The following ZDHHC9 variants were observed in gnomAD, a reference collection of about 807,000 sequenced individuals.
ZDHHC9 encodes the protein palmitoyltransferase ZDHHC9.
Under a neutral mutation model 26.6 loss-of-function variants are expected in ZDHHC9, and 3 were observed. That is an observed-to-expected ratio of 0.11 (90% CI 0.05 to 0.29). The LOEUF is 0.29. ZDHHC9 is among the 10% of genes least tolerant of loss of function. ZDHHC9 has a pLI of 1.00. For synonymous variants in ZDHHC9, 111 were observed against 109.4 expected (o/e 1.01, Z -0.09); for missense variants, 146 against 296.4 (o/e 0.49, Z 3.73).
At position 129,819,172 on chromosome X, in the gene ZDHHC9, C is replaced by CAAAAAA. The variant is rs10555509; in HGVS notation, c.488-4383_488-4378dup. Among the ~76,000 whole-genome samples the CAAAAAA allele has an allele frequency of 2.1e-3, 74 of 36,078 alleles. 3 individuals carry two copies. The highest frequency in any genetic ancestry group is 7.3e-3 in the African/African-American group (64 of 8,792). The allele number at this position is 36,078 out of a possible 115,157, so 31.3% of individuals were successfully genotyped here. On this transcript the variant is annotated intron_variant, in intron 5 of 10. Transcript: ENST00000357166. Reference sequence around the variant, plus strand: ...TGGGAGAGAGAGACAGCCTCCGTCTCAAAAAAAAAAAAAAAAAAAAAAAAA... The same window carrying CAAAAAA: ...TGGGAGAGAGAGACAGCCTCCGTCTCAAAAAAAAAAAAAAAAAAAAAAAAAAAAAAA...
At chrX:129,826,715 C>T (rs762307554) in intron 4 of ZDHHC9, among the ~76,000 whole-genome samples, 1 of 111,894 alleles carries the variant, frequency 8.9e-6, no homozygotes, top group Non-Finnish European at 1.9e-5. Context: ...CCCCAGAACT[C>T]CAGCTGTGCC....
intron 3 of ZDHHC9, among the ~76,000 whole-genome samples, chrX:129,839,783 T>A (rs1928339785): frequency 9.0e-6 from 1 of 110,676 alleles, no homozygotes; most frequent in Non-Finnish European, 1.9e-5. Context: ...ACCAGGGTCC[T>A]CTCCTCTGTG....
intron 3 of ZDHHC9, among the ~76,000 whole-genome samples, chrX:129,830,846 C>A (rs1277588766): frequency 8.9e-6 from 1 of 111,948 alleles, no homozygotes; most frequent in Non-Finnish European, 1.9e-5. Context: ...TGGGGGGACA[C>A]AAGCCAAGTT....
chrX:129,811,574 A>C, intron 8 of ZDHHC9, 65 bp from the exon 9 acceptor site: 1 of 852,349 alleles, frequency 1.2e-6, no homozygotes, highest in Non-Finnish European at 1.7e-6. Context: ...ATAATAATAA[A>C]ATTAAAAACA....
At chrX:129,842,394 T>G (rs1928402876) in intron 2 of ZDHHC9, among the ~76,000 whole-genome samples, 1 of 112,628 alleles carries the variant, frequency 8.9e-6, no homozygotes, top group South Asian at 3.6e-4. Context: ...TAATACTTTG[T>G]TTTGTAAATG....
At chrX:129,807,903 C>T (rs183265746) in intron 10 of ZDHHC9, among the ~76,000 whole-genome samples, 101 of 112,363 alleles carry the variant, frequency 9.0e-4, no homozygotes, top group African/African-American at 3.1e-3. Flanking sequence ...ATATAAAAAT[C>T]AATTGTCTTT....
chrX:129,803,894 C>A lies in ZDHHC9; in HGVS notation c.*2476G>T, dbSNP rs1049605559. 8.9e-6 allele frequency: 1 copy of A among 111,986 alleles called. No individual in the cohort carries two copies. The highest frequency in any genetic ancestry group is 1.9e-5 in the Non-Finnish European group (1 of 53,199). The allele number at this position is 111,986 out of a possible 1,213,427, so 9.2% of individuals were successfully genotyped here. A position where few individuals can be genotyped will look rare whatever the true frequency, so the allele number is the denominator to read the frequency against. On this transcript the variant is annotated 3_prime_UTR_variant, in exon 11 of 11. Transcript: ENST00000357166. Reference sequence around the variant, plus strand: ...CCCTTTTCCCCTGGGAACATTGATTCTTTAATCTCCCCTCTGATCAGATAG... The same window carrying A: ...CCCTTTTCCCCTGGGAACATTGATTATTTAATCTCCCCTCTGATCAGATAG...
intron 3 of ZDHHC9, among the ~76,000 whole-genome samples, chrX:129,833,134 T>C (rs999447890): frequency 5.4e-5 from 6 of 111,675 alleles, no homozygotes; most frequent in African/African-American, 2.0e-4. Context: ...TCCTGGGGAT[T>C]AGAGTTCCTT....
At chrX:129,834,582 C>T (rs1326083761) in intron 3 of ZDHHC9, among the ~76,000 whole-genome samples, 1 of 112,086 alleles carries the variant, frequency 8.9e-6, no homozygotes, top group Non-Finnish European at 1.9e-5. Context: ...TCATCAAAAT[C>T]TCTATCCAGG....
At chrX:129,811,614 T>C in intron 8 of ZDHHC9, 105 bp from the exon 9 acceptor site, 1 of 684,967 alleles carries the variant, frequency 1.5e-6, no homozygotes, top group South Asian at 2.8e-5. Flanking sequence ...ATAATAATAA[T>C]GTTGAAGAAA....
intron 3 of ZDHHC9, among the ~76,000 whole-genome samples, chrX:129,830,627 C>G (rs1267492391): frequency 8.9e-6 from 1 of 112,078 alleles, no homozygotes; most frequent in Non-Finnish European, 1.9e-5. Context: ...AGAGTTTTCA[C>G]TTGGAGGCAG....
At chrX:129,820,199 T>C (rs1025491972) in intron 5 of ZDHHC9, among the ~76,000 whole-genome samples, 1 of 111,735 alleles carries the variant, frequency 8.9e-6, no homozygotes, top group African/African-American at 3.2e-5. Flanking sequence ...TCTTATTAGA[T>C]TGCCTTCCAA....
At chrX:129,842,236 AG>A (rs1928400510) in intron 2 of ZDHHC9, among the ~76,000 whole-genome samples, 156 bp from the exon 3 acceptor site, 1 of 112,139 alleles carries the variant, frequency 8.9e-6, no homozygotes, top group South Asian at 3.7e-4. Context: ...GTTCTCTAAA[AG>A]AAGGTATGAT....
At chrX:129,842,396 T>C (rs779303065) in intron 2 of ZDHHC9, among the ~76,000 whole-genome samples, 2 of 112,636 alleles carry the variant, frequency 1.8e-5, no homozygotes, top group South Asian at 7.3e-4. Flanking sequence ...ATACTTTGTT[T>C]TGTAAATGAG....
At chrX:129,815,477 C>T (rs1432298461) in intron 5 of ZDHHC9, among the ~76,000 whole-genome samples, 4 of 111,504 alleles carry the variant, frequency 3.6e-5, no homozygotes, top group Admixed American at 9.6e-5. Flanking sequence ...GTTTATTTGT[C>T]CTCTATATGC....
At chrX:129,812,985 A>T (rs905749664) in intron 7 of ZDHHC9, among the ~76,000 whole-genome samples, 165 bp from the exon 8 acceptor site, 2 of 112,342 alleles carry the variant, frequency 1.8e-5, no homozygotes, top group Non-Finnish European at 3.8e-5. Flanking sequence ...TACTGGATAG[A>T]TCCCTTATGA....
intron 3 of ZDHHC9, 82 bp from the exon 4 acceptor site, chrX:129,829,223 C>A (rs1485930116): frequency 9.4e-7 from 1 of 1,066,471 alleles, no homozygotes; most frequent in Non-Finnish European, 1.3e-6. Flanking sequence ...CAATCTGGCC[C>A]CCACAACAGA....
intron 3 of ZDHHC9, among the ~76,000 whole-genome samples, chrX:129,836,136 C>T (rs1213188504): frequency 1.8e-5 from 2 of 112,011 alleles, no homozygotes; most frequent in African/African-American, 6.5e-5. Flanking sequence ...ACTGTGGGCA[C>T]TAACATTCTG....
intron 3 of ZDHHC9, among the ~76,000 whole-genome samples, chrX:129,838,766 A>G: frequency 8.9e-6 from 1 of 112,283 alleles, no homozygotes. Context: ...TTTTTGTTTT[A>G]TGTATTCAAT....
Sources: allele counts gnomAD v4.1 joint callset (sites outside exome capture counted in the v4.1 genomes callset), GRCh38; gene constraint gnomAD v4.1.1; transcripts MANE v1.5; gene names NCBI Gene and HGNC (gene_info 2026-07-23, HGNC 2026-07-21).